KSR2: variants seen among roughly 807,000 people sequenced by gnomAD.
KSR2 encodes the protein kinase suppressor of ras 2.
Under a neutral mutation model 107.8 loss-of-function variants are expected in KSR2, and 25 were observed. The observed-to-expected ratio is 0.23, with a 90% CI of 0.17 to 0.32. The LOEUF is 0.32. Among genes scored for constraint, KSR2 ranks in the 10% least tolerant of loss-of-function variants. The pLI is 1.00. For missense variants in KSR2, 887 were observed against 1,268.9 expected (o/e 0.70, Z 4.57); for synonymous variants, 480 against 507.0 (o/e 0.95, Z 0.71).
intron 4 of KSR2, among the ~76,000 whole-genome samples, chr12:117,706,039 CTT>C (rs35761064): frequency 2.6e-5 from 3 of 114,682 alleles, no homozygotes; most frequent in African/African-American, 6.6e-5. Flanking sequence ...GTTGTTGGGT[CTT>C]TTTTTTTTTT....
At chr12:117,836,789 G>A (rs1284256703) in intron 3 of KSR2, among the ~76,000 whole-genome samples, 1 of 152,214 alleles carries the variant, frequency 6.6e-6, no homozygotes, top group Non-Finnish European at 1.5e-5. Context: ...ACTGAAGCAA[G>A]TCCAGCCACT....
At position 117,556,678 on chromosome 12, in the gene KSR2, G is replaced by A. The variant is rs530242408; in HGVS notation, c.1394-1385C>T. ...GGGCAGATTCCCAGGAATATCCACC[G>A]ATCAAGGCCAGGGGAGACGGGGGTG... On this transcript the variant is annotated intron_variant, in intron 8 of 19. Transcript: ENST00000339824. Among the ~76,000 whole-genome samples, 329 of 152,138 alleles carry A rather than the reference G, an allele frequency of 2.2e-3. 5 individuals are homozygous for A. The highest frequency in any genetic ancestry group is 1.4e-3 in the Non-Finnish European group (94 of 67,988).
intron 5 of KSR2, among the ~76,000 whole-genome samples, chr12:117,638,483 A>G (rs1015902940): frequency 2.0e-5 from 3 of 151,898 alleles, no homozygotes; most frequent in Non-Finnish European, 2.9e-5. Flanking sequence ...CTGTTCACAT[A>G]GCCCTGAACG....
intron 4 of KSR2, among the ~76,000 whole-genome samples, chr12:117,708,169 T>A (rs1408182564): frequency 6.6e-6 from 1 of 152,228 alleles, no homozygotes; most frequent in African/African-American, 2.4e-5. Context: ...AAATAAATGT[T>A]AGGAGACAGC....
chr12:117,957,862 C>CACTCTGTT (rs1268200734), intron 1 of KSR2, among the ~76,000 whole-genome samples: 1 of 148,140 alleles, frequency 6.8e-6, no homozygotes, highest in Non-Finnish European at 1.5e-5. Context: ...AACTGAGTCT[C>CACTCTGTT]ACTCTGTTGC....
chr12:117,947,274 C>T (rs965395144), intron 1 of KSR2, among the ~76,000 whole-genome samples: 2 of 145,040 alleles, frequency 1.4e-5, no homozygotes, highest in African/African-American at 5.0e-5. Context: ...AACCACATGA[C>T]CATACTAATT....
At chr12:117,527,248 C>G in intron 12 of KSR2, 129 bp from the exon 13 acceptor site, 2 of 664,296 alleles carry the variant, frequency 3.0e-6, no homozygotes, top group Middle Eastern at 2.6e-4. Context: ...CATTTCATTT[C>G]AACAGGTGTG....
chr12:117,752,082 A>T (rs1361017175), intron 4 of KSR2, among the ~76,000 whole-genome samples: 2 of 152,244 alleles, frequency 1.3e-5, no homozygotes, highest in African/African-American at 2.4e-5. Context: ...TTACATAATG[A>T]ATCTGTTAGG....
chr12:117,561,119 A>G (rs969501385), intron 7 of KSR2, among the ~76,000 whole-genome samples: 1 of 152,202 alleles, frequency 6.6e-6, no homozygotes, highest in Non-Finnish European at 1.5e-5. Flanking sequence ...TAAGTTTAAA[A>G]AGGCCATAAA....
chr12:117,467,915 C>CTA lies in KSR2; in HGVS notation c.2847-711_2847-710insTA. On this transcript the variant is annotated intron_variant, in intron 19 of 19. Transcript: ENST00000339824. ...CATCCTATTCTGCTAGACCACAGTC[C>CTA]TGTGTTTTTTTTTTTTTTTTCCAGC... 2.4e-5 allele frequency: 5 copies of CTA among 204,924 alleles called. 1 individual carries two copies. The Admixed American group carries it at 3.3e-4, about 14-fold the overall frequency. 12.7% of individuals were successfully genotyped at this position (204,924 alleles called of 1,614,324 possible).
chr12:117,724,718 G>A (rs896018293), intron 4 of KSR2, among the ~76,000 whole-genome samples: 1 of 152,162 alleles, frequency 6.6e-6, no homozygotes, highest in Non-Finnish European at 1.5e-5. Flanking sequence ...AGAATAAATG[G>A]GAGGAATCAA....
intron 1 of KSR2, among the ~76,000 whole-genome samples, chr12:117,880,771 G>T (rs187251104): frequency 7.3e-6 from 1 of 136,206 alleles, no homozygotes; most frequent in Non-Finnish European, 1.5e-5. Context: ...AGGTTCAAGC[G>T]ATTCTCCCAC....
intron 3 of KSR2, among the ~76,000 whole-genome samples, chr12:117,791,896 C>T (rs1344257634): frequency 2.0e-5 from 3 of 152,240 alleles, no homozygotes; most frequent in Non-Finnish European, 4.4e-5. Context: ...TCTTCTACTT[C>T]TCTCCCCATA....
At chr12:117,659,506 A>G (rs1435573804) in intron 5 of KSR2, among the ~76,000 whole-genome samples, 1 of 152,150 alleles carries the variant, frequency 6.6e-6, no homozygotes, top group African/African-American at 2.4e-5. Flanking sequence ...AAGACACGCT[A>G]ACTTCCTTTG....
intron 3 of KSR2, among the ~76,000 whole-genome samples, chr12:117,850,828 A>T (rs936342348): frequency 6.6e-6 from 1 of 151,742 alleles, no homozygotes; most frequent in Non-Finnish European, 1.5e-5. Flanking sequence ...AAAAATACAC[A>T]TGTATTGAAC....
At chr12:117,609,689 G>A (rs1055570974) in intron 5 of KSR2, among the ~76,000 whole-genome samples, 2 of 152,168 alleles carry the variant, frequency 1.3e-5, no homozygotes, top group East Asian at 1.9e-4. Flanking sequence ...GAGGCCATAT[G>A]ACAGGGCTCT....
intron 3 of KSR2, among the ~76,000 whole-genome samples, chr12:117,822,370 C>A (rs1330010462): frequency 1.3e-5 from 2 of 152,122 alleles, no homozygotes; most frequent in Non-Finnish European, 2.9e-5. Context: ...GACCCAGACC[C>A]CTTTCCTGTA....
intron 1 of KSR2, among the ~76,000 whole-genome samples, chr12:117,867,729 C>A (rs376013702): frequency 6.6e-6 from 1 of 152,198 alleles, no homozygotes; most frequent in African/African-American, 2.4e-5. Flanking sequence ...TCTTGCCTGG[C>A]TATTGGCTAT....
chr12:117,586,128 C>T (rs1879974770), intron 5 of KSR2, among the ~76,000 whole-genome samples: 1 of 152,198 alleles, frequency 6.6e-6, no homozygotes, highest in Non-Finnish European at 1.5e-5. Flanking sequence ...ACACCACACA[C>T]AGCTTCTTGA....
Sources: gnomAD v4.1 joint callset for allele counts (sites outside exome capture counted in the v4.1 genomes callset) on GRCh38, gnomAD v4.1.1 for gene constraint, MANE v1.5 for transcripts, NCBI Gene and HGNC (gene_info 2026-07-23, HGNC 2026-07-21) for gene names.